TMEM248: variants seen among roughly 807,000 people sequenced by gnomAD.
TMEM248 encodes transmembrane protein 248, also known as UPF0458 protein C7orf42.
A neutral mutation model predicts 30.3 loss-of-function variants in TMEM248; 9 were observed. That is an observed-to-expected ratio of 0.30 (90% CI 0.18 to 0.52). The LOEUF (loss-of-function observed/expected upper bound fraction) is 0.52, where lower values mean the gene tolerates loss of function less well. Ranked by LOEUF, TMEM248 falls within the 20% of genes least tolerant of loss-of-function variation. The probability of loss-of-function intolerance (pLI) is 0.97; values close to 1 mark genes in which losing one functional copy is unlikely to be tolerated. For synonymous variants in TMEM248, 184 were observed against 154.4 expected, an observed-to-expected ratio of 1.19 and a Z score of -1.42; for missense variants, 338 against 403.3, an observed-to-expected ratio of 0.84 and a Z score of 1.39.
chr7:66,954,164 G>A (rs1271577053), intron 6 of TMEM248, among the ~76,000 whole-genome samples: 7 of 143,870 alleles, frequency 4.9e-5, no homozygotes, highest in East Asian at 2.1e-4. Flanking sequence ...GGCTAGTCTC[G>A]AACTGCTGTT....
Position 66,951,097 on chromosome 7 carries a change from C to T in TMEM248, c.742C>T (p.His248Tyr). 2 of 1,605,048 alleles carry T rather than the reference C, an allele frequency of 1.2e-6. No individual in the cohort carries two copies. The highest frequency in any genetic ancestry group is 1.7e-6 in the Non-Finnish European group (2 of 1,176,510). ...CYKGAIGKVY[H>Y]ALNPKLTVIV... is the part of the protein sequence containing the mutation. ...TAAGGGGGCCATTGGAAAAGTCTATCATGCTTTAAATCCCAAGCTTACAGT... is the reference window on the plus strand; with the variant it reads ...TAAGGGGGCCATTGGAAAAGTCTATTATGCTTTAAATCCCAAGCTTACAGT... Residue 248 changes from histidine to tyrosine, a missense_variant, in exon 5 of 7, where the codon CAT becomes TAT. His to Tyr is a moderately conservative substitution (Grantham distance 83). Transcript: ENST00000341567.
At chr7:66,937,531 C>A (rs146749816) in intron 1 of TMEM248, among the ~76,000 whole-genome samples, 63 of 152,296 alleles carry the variant, frequency 4.1e-4, no homozygotes, top group African/African-American at 1.5e-3. Context: ...TATCTTGGTG[C>A]TCCAGTGTTG....
At position 66,948,529 on chromosome 7, in the gene TMEM248, A is replaced by G. The variant is rs1409943527; in HGVS notation, c.446-15A>G. On this transcript the variant is annotated splice_polypyrimidine_tract_variant and intron_variant, in intron 3 of 6. Transcript: ENST00000341567. ...TGGTTCTTGACTTTATAAAAAAATGATTTCTCTTTCATAGGCAGGGAAGCC... is the reference window on the plus strand; with the variant it reads ...TGGTTCTTGACTTTATAAAAAAATGGTTTCTCTTTCATAGGCAGGGAAGCC... 3.7e-6 allele frequency: 6 copies of G among 1,609,168 alleles called. No individual in the cohort carries two copies. Among genetic ancestry groups the G allele is most frequent in the Non-Finnish European group, 5.1e-6 (6 of 1,177,666 alleles).
At chr7:66,942,354 A>G (rs1331018176) in intron 2 of TMEM248, among the ~76,000 whole-genome samples, 1 of 152,212 alleles carries the variant, frequency 6.6e-6, no homozygotes, top group African/African-American at 2.4e-5. Flanking sequence ...AAATGGGTTC[A>G]TTGCTGTTTT....
chr7:66,928,723 A>C (rs1191061139), intron 1 of TMEM248, among the ~76,000 whole-genome samples: 1 of 152,152 alleles, frequency 6.6e-6, no homozygotes, highest in Admixed American at 6.6e-5. Context: ...TTGCAAAATT[A>C]TATGGATGCT....
rs1374807536 is a variant in TMEM248 at position 66,956,648 on chromosome 7, G to A, written c.*1126G>A. 2.6e-5 allele frequency: 4 copies of A among 152,100 alleles called. No individual in the cohort carries two copies. The highest frequency in any genetic ancestry group is 4.4e-5 in the Non-Finnish European group (3 of 68,008). 9.4% of individuals were successfully genotyped at this position (152,100 alleles called of 1,614,324 possible). A position where few individuals can be genotyped will look rare whatever the true frequency, so the allele number is the denominator to read the frequency against. ...CAATTCTGATTTGCCATTTATCAGG[G>A]AAAACTGAAAGCATTTTTCTTATAA... On this transcript the variant is annotated 3_prime_UTR_variant, in exon 7 of 7. Coordinates refer to ENST00000341567, the MANE Select transcript of TMEM248 (RefSeq NM_017994.5).
chr7:66,945,145 T>A lies in TMEM248; in HGVS notation c.329T>A (p.Val110Glu). 6.2e-7 allele frequency: 1 copy of A among 1,614,076 alleles called. No individual in the cohort carries two copies. Among genetic ancestry groups the A allele is most frequent in the Non-Finnish European group, 8.5e-7 (1 of 1,180,026 alleles). The stretch of plus-strand genomic sequence containing the variant: ...CAGGCCCTGGAGGACTCGGGCCCGG[T>A]GAATATCTCAGTCTCAATCACCCTA... ...SPQALEDSGP[V>E]NISVSITLTL... The change falls in exon 3 of 7, where the codon GTG (valine) becomes GAG (glutamate). Residue 110 changes from valine (V) to glutamate (E), a missense_variant. Physicochemically the swap from Val to Glu is moderately radical, Grantham distance 121. Transcript: ENST00000341567.
At chr7:66,930,081 G>T (rs945323221) in intron 1 of TMEM248, among the ~76,000 whole-genome samples, 6 of 152,082 alleles carry the variant, frequency 3.9e-5, no homozygotes, top group Non-Finnish European at 7.4e-5. Context: ...GATCGCTTGC[G>T]CCCAGGAAGT....
At chr7:66,947,396 C>G (rs994900422) in intron 3 of TMEM248, among the ~76,000 whole-genome samples, 2 of 151,972 alleles carry the variant, frequency 1.3e-5, no homozygotes, top group African/African-American at 4.8e-5. Context: ...ATAAGGACAC[C>G]TTCGGGATTT....
intron 3 of TMEM248, among the ~76,000 whole-genome samples, chr7:66,947,081 G>A (rs1379516673): frequency 6.6e-6 from 1 of 151,910 alleles, no homozygotes; most frequent in Non-Finnish European, 1.5e-5. Flanking sequence ...CAGGTGTTGT[G>A]GCGTGCACCT....
chr7:66,934,898 G>A (rs1261888622), intron 1 of TMEM248, among the ~76,000 whole-genome samples: 2 of 151,772 alleles, frequency 1.3e-5, no homozygotes, highest in African/African-American at 4.8e-5. Flanking sequence ...CTTAAAAAAA[G>A]ACAAAAATTA....
At chr7:66,947,058 T>TA (rs1189096634) in intron 3 of TMEM248, among the ~76,000 whole-genome samples, 1 of 151,136 alleles carries the variant, frequency 6.6e-6, no homozygotes, top group South Asian at 2.1e-4. Context: ...ATGAAAAAAT[T>TA]AAAAAAATTA....
intron 5 of TMEM248, among the ~76,000 whole-genome samples, chr7:66,951,608 G>A (rs1426845119): frequency 6.6e-6 from 1 of 151,414 alleles, no homozygotes; most frequent in African/African-American, 2.4e-5. Flanking sequence ...CAAGAGGCAA[G>A]GGGAACAAAA....
At chr7:66,947,533 G>A (rs1792142634) in intron 3 of TMEM248, among the ~76,000 whole-genome samples, 2 of 151,998 alleles carry the variant, frequency 1.3e-5, no homozygotes, top group African/African-American at 4.8e-5. Context: ...CTCCCGCGTA[G>A]CTGGGATTAT....
At chr7:66,950,313 C>G (rs1174964669) in intron 4 of TMEM248, among the ~76,000 whole-genome samples, 2 of 152,072 alleles carry the variant, frequency 1.3e-5, no homozygotes, top group Non-Finnish European at 2.9e-5. Flanking sequence ...TGGGAGGGAC[C>G]CAGTGGGAGG....
At chr7:66,924,668 G>A (rs1791478021) in intron 1 of TMEM248, among the ~76,000 whole-genome samples, 1 of 152,198 alleles carries the variant, frequency 6.6e-6, no homozygotes, top group South Asian at 2.1e-4. Flanking sequence ...GCCTCCCAAA[G>A]TGCTGGGATT....
Position 66,948,452 on chromosome 7 carries a change from T to C in TMEM248, c.446-92T>C. On this transcript the variant is annotated intron_variant, in intron 3 of 6. Coordinates refer to ENST00000341567, the MANE Select transcript of TMEM248 (RefSeq NM_017994.5). ...GGTGCCTGGGCTGATAGATGATTCCTGTGTGGGTTTGATTTCAGGATTTAT... is the reference window on the plus strand; with the variant it reads ...GGTGCCTGGGCTGATAGATGATTCCCGTGTGGGTTTGATTTCAGGATTTAT... 8.9e-6 allele frequency: 13 copies of C among 1,457,674 alleles called. No individual in the cohort carries two copies. In the South Asian group the frequency reaches 1.5e-4, roughly 17 times the overall value. The allele number at this position is 1,457,674 out of a possible 1,614,324, so 90.3% of individuals were successfully genotyped here.
intron 4 of TMEM248, among the ~76,000 whole-genome samples, chr7:66,949,513 C>A (rs1364772885): frequency 6.6e-6 from 1 of 152,130 alleles, no homozygotes; most frequent in African/African-American, 2.4e-5. Context: ...TTTTGTTCAT[C>A]TCCATTATCC....
intron 1 of TMEM248, among the ~76,000 whole-genome samples, chr7:66,937,444 A>T (rs1398618540): frequency 2.2e-4 from 33 of 152,242 alleles, no homozygotes; most frequent in Non-Finnish European, 1.5e-5. Context: ...TCCAATGCTG[A>T]AAGCAGAGTG....
Sources: gnomAD v4.1 joint callset for allele counts (sites outside exome capture counted in the v4.1 genomes callset) on GRCh38, gnomAD v4.1.1 for gene constraint, MANE v1.5 for transcripts, NCBI Gene and HGNC (gene_info 2026-07-23, HGNC 2026-07-21) for gene names.